CES4A: variants seen among roughly 807,000 people sequenced by gnomAD.
CES4A encodes carboxylesterase 6.
Under a neutral mutation model 65.4 loss-of-function variants are expected in CES4A, and 48 were observed. The ratio of observed to expected loss-of-function variants is 0.73; its 90% CI spans 0.58 to 0.93. The LOEUF (loss-of-function observed/expected upper bound fraction) is 0.93, where lower values mean the gene tolerates loss of function less well. CES4A is among the 40% of genes least tolerant of loss of function. The pLI, the probability that CES4A is intolerant of heterozygous loss-of-function variation, is 0.00. For synonymous variants in CES4A, 247 were observed against 281.8 expected (o/e 0.88, Z 1.24); for missense variants, 685 against 728.5 (o/e 0.94, Z 0.69).
intron 1 of CES4A, among the ~76,000 whole-genome samples, chr16:66,989,847 CTCTA>C (rs1297500174): frequency 1.3e-5 from 2 of 151,292 alleles, no homozygotes; most frequent in Non-Finnish European, 2.9e-5. Flanking sequence ...AAGAGCGAAA[CTCTA>C]TCTCAAAAAA....
intron 13 of CES4A, 154 bp downstream of exon 13, chr16:67,006,971 A>G (rs150125919): frequency 4.9e-5 from 31 of 628,698 alleles, no homozygotes; most frequent in Non-Finnish European, 8.1e-5. Flanking sequence ...TTCCTCAGTC[A>G]GTCACCGGAT....
chr16:66,990,576 G>A (rs570297803), intron 1 of CES4A, among the ~76,000 whole-genome samples: 2 of 152,162 alleles, frequency 1.3e-5, no homozygotes, highest in East Asian at 3.9e-4. Context: ...GTGCATGCCT[G>A]CAGTCCCAAC....
chr16:66,989,469 A>T (rs1367792668), intron 1 of CES4A, among the ~76,000 whole-genome samples: 1 of 151,886 alleles, frequency 6.6e-6, no homozygotes, highest in Non-Finnish European at 1.5e-5. Flanking sequence ...CTGAGGTGGG[A>T]GGATTACTTG....
chr16:67,009,064 G>C, exon 14 of CES4A: 1 of 1,614,240 alleles, frequency 6.2e-7, no homozygotes, highest in African/African-American at 1.3e-5. Flanking sequence ...GAGTGGGCAT[G>C]AAGCTCAAGG....
chr16:66,988,943 G>A, intron 1 of CES4A, 113 bp downstream of exon 1: 2 of 1,280,594 alleles, frequency 1.6e-6, no homozygotes, highest in Non-Finnish European at 2.1e-6. Flanking sequence ...ACTTAGACAA[G>A]GCCTGGGCAA....
intron 1 of CES4A, among the ~76,000 whole-genome samples, chr16:66,995,316 T>A (rs1020834025): frequency 7.3e-5 from 11 of 150,010 alleles, no homozygotes; most frequent in Admixed American, 1.3e-4. Flanking sequence ...TCTCAAAAAA[T>A]AAATAAATAA....
chr16:66,995,258 C>G (rs973007707), intron 1 of CES4A, among the ~76,000 whole-genome samples: 3 of 151,350 alleles, frequency 2.0e-5, no homozygotes, highest in African/African-American at 7.3e-5. Context: ...TGCAGTGAGC[C>G]GAGATTGCGC....
chr16:66,999,311 TG>T (rs1436525380), intron 2 of CES4A, among the ~76,000 whole-genome samples: 1 of 152,178 alleles, frequency 6.6e-6, no homozygotes, highest in Non-Finnish European at 1.5e-5. Context: ...ACCTAGGGGT[TG>T]GGCCAGCAAG....
chr16:67,006,704 C>G, intron 12 of CES4A, 41 bp from the exon 13 acceptor site: 1 of 1,595,964 alleles, frequency 6.3e-7, no homozygotes, highest in Non-Finnish European at 8.6e-7. Context: ...GGTCAGTGTC[C>G]CCTGCTCTGT....
At chr16:67,007,137 C>T (rs559428872) in intron 13 of CES4A, 6 of 327,500 alleles carry the variant, frequency 1.8e-5, no homozygotes, top group African/African-American at 4.3e-5. Flanking sequence ...CCCCATCCTC[C>T]AGCAGCTCAC....
chr16:67,004,963 C>T, intron 10 of CES4A, 90 bp downstream of exon 10: 2 of 1,043,430 alleles, frequency 1.9e-6, no homozygotes, highest in South Asian at 1.4e-5. Context: ...TGCAAAGGGG[C>T]TCCCAGCCAG....
chr16:67,005,074 CAG>C (rs1388665742), intron 10 of CES4A, 164 bp from the exon 11 acceptor site: 6 of 807,358 alleles, frequency 7.4e-6, no homozygotes, highest in Non-Finnish European at 1.2e-5. Context: ...GCAGCAAAAT[CAG>C]GGGTTACAAT....
chr16:66,997,960 C>T (rs1186066027), intron 2 of CES4A, among the ~76,000 whole-genome samples: 4 of 140,682 alleles, frequency 2.8e-5, no homozygotes, highest in Non-Finnish European at 6.2e-5. Context: ...CACACACACA[C>T]ACACACACAC....
At position 67,001,488 on chromosome 16, in the gene CES4A, G is replaced by A; in HGVS notation, c.690+27G>A. The A allele has an allele frequency of 6.4e-7, 1 of 1,572,186 alleles. No individual in the cohort carries two copies. The highest frequency in any genetic ancestry group is 1.4e-5 in the African/African-American group (1 of 73,920). ...TGAGAGCAATGCCCAGACGGACCGA[G>A]CACAGACTTAGGCTCCTGCGTTCCC... On this transcript the variant is annotated intron_variant, in intron 5 of 13. Coordinates refer to ENST00000648724, the Ensembl canonical transcript of CES4A. This position sits in a 1 kb window ranked among gnomAD's most constrained non-coding sequence, Gnocchi z 4.1.
At chr16:66,997,132 G>A (rs986676832) in intron 2 of CES4A, among the ~76,000 whole-genome samples, 13 of 151,510 alleles carry the variant, frequency 8.6e-5, no homozygotes, top group African/African-American at 3.2e-4. Flanking sequence ...ATACCAGAAC[G>A]TTCCTTGTCA....
intron 5 of CES4A, 70 bp from the exon 6 acceptor site, chr16:67,003,000 C>A (rs1965472250): frequency 7.4e-7 from 1 of 1,356,140 alleles, no homozygotes; most frequent in Non-Finnish European, 1.1e-6. Context: ...CATGGCCAGA[C>A]AGATGCCCAG....
intron 11 of CES4A, 173 bp downstream of exon 11, chr16:67,005,566 G>A: frequency 1.6e-6 from 1 of 637,346 alleles, no homozygotes; most frequent in East Asian, 3.1e-5. Flanking sequence ...AGAGGAAGGG[G>A]CCAGGCACGG....
exon 10 of CES4A, chr16:67,004,811 A>T (rs1413371033): frequency 2.6e-6 from 4 of 1,536,092 alleles, no homozygotes; most frequent in Non-Finnish European, 3.5e-6. Flanking sequence ...GTTCCCGCTA[A>T]ACCGGCAGGC....
intron 13 of CES4A, chr16:67,007,684 A>C (rs1441158903): frequency 6.6e-6 from 1 of 151,960 alleles, no homozygotes; most frequent in African/African-American, 2.4e-5. Flanking sequence ...GTAGTGGTGC[A>C]ATCACAGCTC....
Sources: gnomAD v4.1 joint callset for allele counts (sites outside exome capture counted in the v4.1 genomes callset) on GRCh38, gnomAD v4.1.1 for gene constraint, Gnocchi (gnomAD v3.1) non-coding constraint, MANE v1.5 for transcripts, NCBI Gene and HGNC (gene_info 2026-07-23, HGNC 2026-07-21) for gene names.